MARK4: variants seen among roughly 807,000 people sequenced by gnomAD.
The protein encoded by MARK4 is microtubule affinity regulating kinase 4, also known as MAP/microtubule affinity-regulating kinase 4.
MARK4 carries 19 observed loss-of-function variants against 81.5 expected under a neutral mutation model. The observed-to-expected ratio is 0.23, with a 90% CI of 0.16 to 0.34. The LOEUF (loss-of-function observed/expected upper bound fraction) is 0.34, where lower values mean the gene tolerates loss of function less well. Among genes scored for constraint, MARK4 ranks in the 10% least tolerant of loss-of-function variants. MARK4 has a pLI of 1.00. For synonymous variants in MARK4, 436 were observed against 439.0 expected, an observed-to-expected ratio of 0.99 and a Z score of 0.08; for missense variants, 772 against 1,058.8, an observed-to-expected ratio of 0.73 and a Z score of 3.76.
At chr19:45,268,903 G>A (rs1970489860) in intron 7 of MARK4, among the ~76,000 whole-genome samples, 1 of 152,144 alleles carries the variant, frequency 6.6e-6, no homozygotes, top group African/African-American at 2.4e-5. Context: ...CACGGCCCTG[G>A]AGGCAGCACC....
chr19:45,289,857 A>G (rs344810), intron 13 of MARK4, among the ~76,000 whole-genome samples: 104,913 of 152,032 alleles, frequency 0.69, 37,624 homozygotes, highest in African/African-American at 0.83. Flanking sequence ...AGCACTTTGC[A>G]AGGCTGAGGT....
At position 45,287,431 on chromosome 19, in the gene MARK4, G is replaced by A. The variant is rs770142315; in HGVS notation, c.1277-16G>A. ...TCCGTGGTGATGCCAGCTCTAAACG[G>A]TACCCCCTCCCCCAGGTGGCCCATC... On this transcript the variant is annotated splice_polypyrimidine_tract_variant and intron_variant, in intron 12 of 16. Transcript: ENST00000262891. 8 of 1,416,796 alleles carry A rather than the reference G, an allele frequency of 5.6e-6. No homozygotes were observed. The highest frequency in any genetic ancestry group is 7.4e-6 in the Non-Finnish European group (8 of 1,075,996). The allele number at this position is 1,416,796 out of a possible 1,614,324, so 87.8% of individuals were successfully genotyped here.
chr19:45,276,252 C>CA (rs779899412), intron 8 of MARK4, among the ~76,000 whole-genome samples: 4 of 152,120 alleles, frequency 2.6e-5, no homozygotes. Context: ...GTCTCAAACT[C>CA]ACGGGCTCAA....
At chr19:45,291,999 T>C (rs988236476) in intron 13 of MARK4, among the ~76,000 whole-genome samples, 1 of 152,206 alleles carries the variant, frequency 6.6e-6, no homozygotes, top group African/African-American at 2.4e-5. Flanking sequence ...CTTCCAAATC[T>C]TCATGAATGC....
Position 45,304,535 on chromosome 19 carries a change from C to T in MARK4, c.*1825C>T, listed in dbSNP as rs1206335841. 1.3e-5 allele frequency: 2 copies of T among 152,260 alleles called. No homozygotes were observed. Among genetic ancestry groups the T allele is most frequent in the African/African-American group, 2.4e-5 (1 of 41,458 alleles). 9.4% of individuals were successfully genotyped at this position (152,260 alleles called of 1,614,324 possible). The stretch of plus-strand genomic sequence containing the variant: ...AAATGAATAAGCTGGACTTTCTCCC[C>T]ATGGCACTGGGGAACCATGGAAGTT... On this transcript the variant is annotated 3_prime_UTR_variant, in exon 17 of 17. Transcript: ENST00000262891.
intron 1 of MARK4, among the ~76,000 whole-genome samples, chr19:45,258,048 C>T (rs1203893257): frequency 6.8e-6 from 1 of 147,750 alleles, no homozygotes; most frequent in African/African-American, 2.5e-5. Context: ...TGCAGTAGAG[C>T]GATCTCGGCT....
chr19:45,297,990 C>T (rs989033265), intron 15 of MARK4, 36 bp downstream of exon 15: 104 of 617,276 alleles, frequency 1.7e-4, no homozygotes, highest in Non-Finnish European at 2.7e-4. Context: ...CAGGGCGGGG[C>T]GGGGGGCCGA....
At chr19:45,293,698 G>A (rs1970847814) in intron 13 of MARK4, among the ~76,000 whole-genome samples, 1 of 152,154 alleles carries the variant, frequency 6.6e-6, no homozygotes, top group South Asian at 2.1e-4. Flanking sequence ...ATGTTTATGA[G>A]GCAGCATAAT....
chr19:45,293,834 A>C (rs35176435), intron 13 of MARK4, among the ~76,000 whole-genome samples: 32,399 of 152,130 alleles, frequency 0.21, 4,101 homozygotes, highest in Non-Finnish European at 0.3. Context: ...GGGAACCCAA[A>C]GGAGGAGGCA....
chr19:45,263,050 G>A lies in MARK4; in HGVS notation c.253-63G>A, dbSNP rs371380067. ...CAAAATGCTGGGATTACAGGCCTGA[G>A]CCACCATATCCAGTGGGGCTTGTGG... On this transcript the variant is annotated intron_variant, in intron 2 of 16. Coordinates refer to ENST00000262891, the MANE Select transcript of MARK4 (RefSeq NM_001199867.2). The A allele has an allele frequency of 1.2e-5, 18 of 1,552,358 alleles. No individual in the cohort carries two copies. In the African/African-American group the frequency reaches 2.3e-4, roughly 20 times the overall value.
chr19:45,273,373 G>A (rs936591207), intron 8 of MARK4, among the ~76,000 whole-genome samples: 4 of 152,150 alleles, frequency 2.6e-5, no homozygotes, highest in Admixed American at 1.3e-4. Context: ...AGGCGAGAGC[G>A]GGTTATCTCC....
At chr19:45,287,013 C>A (rs1465189737) in intron 12 of MARK4, among the ~76,000 whole-genome samples, 1 of 151,778 alleles carries the variant, frequency 6.6e-6, no homozygotes, top group Non-Finnish European at 1.5e-5. Context: ...TCTAGTCATT[C>A]CTCTACTAAG....
At chr19:45,293,485 T>C (rs2075006142) in intron 13 of MARK4, among the ~76,000 whole-genome samples, 1 of 152,192 alleles carries the variant, frequency 6.6e-6, no homozygotes, top group African/African-American at 2.4e-5. Context: ...GTATCAAAAC[T>C]GACACAAGAA....
In MARK4 at chr19:45,302,096, G is replaced by A. The variant is rs1392307588; in HGVS notation, c.1923-278G>A. 1.3e-5 allele frequency among the ~76,000 whole-genome samples: 2 copies of A among 152,162 alleles called. No homozygotes were observed. The highest frequency in any genetic ancestry group is 1.3e-4 in the Admixed American group (2 of 15,272). ...GGACAGGAGAGCCTGGCACATGCAG[G>A]TTCTTTGAAGGAACTGATGTGGATG... On this transcript the variant is annotated intron_variant, in intron 16 of 16. Transcript: ENST00000262891. This position sits in a 1 kb window ranked among gnomAD's most constrained non-coding sequence, Gnocchi z 4.9.
intron 16 of MARK4, among the ~76,000 whole-genome samples, chr19:45,301,131 C>T (rs1434472477): frequency 6.6e-6 from 1 of 152,144 alleles, no homozygotes; most frequent in Non-Finnish European, 1.5e-5. Flanking sequence ...CAAAAAGCCC[C>T]CAGAGGCCGA....
chr19:45,270,092 T>A (rs1212646658), intron 7 of MARK4, among the ~76,000 whole-genome samples: 1 of 152,106 alleles, frequency 6.6e-6, no homozygotes, highest in African/African-American at 2.4e-5. Context: ...CCTCCCAAAG[T>A]GCTGAGATTA....
intron 2 of MARK4, among the ~76,000 whole-genome samples, chr19:45,262,624 C>T (rs1403405837): frequency 6.6e-6 from 1 of 152,194 alleles, no homozygotes; most frequent in Non-Finnish European, 1.5e-5. Context: ...CAGCGTCAGC[C>T]AGGCCCTGCT....
At chr19:45,284,714 A>C (rs1970720333) in intron 12 of MARK4, among the ~76,000 whole-genome samples, 1 of 152,168 alleles carries the variant, frequency 6.6e-6, no homozygotes. Context: ...GCACTTTGGG[A>C]GGCTGAATTG....
chr19:45,295,820 A>G (rs74902057), intron 14 of MARK4, among the ~76,000 whole-genome samples: 2,451 of 152,250 alleles, frequency 0.016, 78 homozygotes, highest in African/African-American at 0.056. Flanking sequence ...AGGCCCCATT[A>G]TAGAGATGCA....
Sources: gnomAD v4.1 joint callset for allele counts (sites outside exome capture counted in the v4.1 genomes callset) on GRCh38, gnomAD v4.1.1 for gene constraint, Gnocchi (gnomAD v3.1) non-coding constraint, MANE v1.5 for transcripts, NCBI Gene and HGNC (gene_info 2026-07-23, HGNC 2026-07-21) for gene names.